The following PRKG1 variants were observed in gnomAD, a reference collection of about 807,000 sequenced individuals.
PRKG1 encodes protein kinase cGMP-dependent 1.
PRKG1 carries 35 observed loss-of-function variants against 88.1 expected under a neutral mutation model. That is an observed-to-expected ratio of 0.40 (90% CI 0.30 to 0.53). The LOEUF (loss-of-function observed/expected upper bound fraction) is 0.53. Ranked by LOEUF, PRKG1 falls within the 20% of genes least tolerant of loss-of-function variation. The probability of loss-of-function intolerance (pLI) is 0.59; values close to 1 mark genes in which losing one functional copy is unlikely to be tolerated. For synonymous variants in PRKG1, 303 were observed against 292.5 expected (o/e 1.04, Z -0.37); for missense variants, 540 against 839.8 (o/e 0.64, Z 4.41).
intron 4 of PRKG1, among the ~76,000 whole-genome samples, chr10:51,887,317 T>C (rs1328720134): frequency 1.9e-5 from 1 of 52,606 alleles, no homozygotes; most frequent in Non-Finnish European, 4.1e-5. Context: ...ATTTCATCTA[T>C]AAGTGACATT....
At chr10:51,462,921 A>G (rs1441687449) in intron 2 of PRKG1, among the ~76,000 whole-genome samples, 1 of 152,156 alleles carries the variant, frequency 6.6e-6, no homozygotes, top group Non-Finnish European at 1.5e-5. Context: ...TATATTTTTA[A>G]AAGTAAATAT....
chr10:51,579,490 A>C (rs1245978809), intron 3 of PRKG1, among the ~76,000 whole-genome samples: 1 of 152,196 alleles, frequency 6.6e-6, no homozygotes, highest in East Asian at 1.9e-4. Flanking sequence ...ATAAAGTTTC[A>C]GAAAGACTAG....
In PRKG1 at chr10:52,217,197, C is replaced by G. The variant is rs72787319; in HGVS notation, c.1077-34373C>G. Reference sequence around the variant, plus strand: ...CTTCCACCTCTTAGTTGTAAGCCTACTAAGGAGTAAGTTTATCCTACTTCC... The same window carrying G: ...CTTCCACCTCTTAGTTGTAAGCCTAGTAAGGAGTAAGTTTATCCTACTTCC... On this transcript the variant is annotated intron_variant, in intron 9 of 17. Transcript: ENST00000373980. Among the ~76,000 whole-genome samples the G allele has an allele frequency of 1.3e-5, 2 of 152,062 alleles. 1 individual carries two copies. The highest frequency in any genetic ancestry group is 2.9e-5 in the Non-Finnish European group (2 of 68,006).
intron 1 of PRKG1, among the ~76,000 whole-genome samples, chr10:51,098,908 G>T (rs1010256823): frequency 6.6e-6 from 1 of 152,128 alleles, no homozygotes; most frequent in East Asian, 1.9e-4. Context: ...AAAACTGGAA[G>T]CATTTAGGAG....
At position 51,682,479 on chromosome 10, in the gene PRKG1, C is replaced by T. The variant is rs190792941; in HGVS notation, c.593-122106C>T. 3.9e-3 allele frequency among the ~76,000 whole-genome samples: 595 copies of T among 152,216 alleles called. 7 individuals are homozygous for T. The highest frequency in any genetic ancestry group is 0.014 in the African/African-American group (582 of 41,516). On this transcript the variant is annotated intron_variant, in intron 3 of 17. Transcript: ENST00000373980. ...ATCTCGTTTCCTCCATCTTCTAACC[C>T]TCTCTTTCTCAATGCCTGGAGAAGC...
chr10:51,092,737 T>A (rs1302865850), intron 1 of PRKG1, among the ~76,000 whole-genome samples: 2 of 152,306 alleles, frequency 1.3e-5, no homozygotes, highest in African/African-American at 4.8e-5. Flanking sequence ...AAGAATAGTC[T>A]TACTTTGAGG....
chr10:52,168,523 T>G (rs1315795526), intron 9 of PRKG1, among the ~76,000 whole-genome samples: 1 of 152,046 alleles, frequency 6.6e-6, no homozygotes, highest in Non-Finnish European at 1.5e-5. Flanking sequence ...TAAGCCACAT[T>G]AAGAAATCAG....
chr10:51,473,868 G>A (rs1840120969), intron 3 of PRKG1, among the ~76,000 whole-genome samples: 1 of 151,654 alleles, frequency 6.6e-6, no homozygotes, highest in South Asian at 2.1e-4. Flanking sequence ...TCAGTTTTTG[G>A]TGTAATGAAT....
intron 3 of PRKG1, among the ~76,000 whole-genome samples, chr10:51,567,118 C>T (rs1837627059): frequency 1.3e-5 from 2 of 152,000 alleles, no homozygotes; most frequent in Non-Finnish European, 2.9e-5. Context: ...AAATACTATA[C>T]ATAACTTGAG....
intron 3 of PRKG1, among the ~76,000 whole-genome samples, chr10:51,625,128 A>G (rs1274766910): frequency 6.6e-6 from 1 of 152,220 alleles, no homozygotes; most frequent in African/African-American, 2.4e-5. Flanking sequence ...TGATCATTAT[A>G]CTATGTGTAC....
chr10:51,197,097 C>A (rs1243137640), intron 2 of PRKG1, among the ~76,000 whole-genome samples: 1 of 152,016 alleles, frequency 6.6e-6, no homozygotes, highest in South Asian at 2.1e-4. Context: ...GGTACAGTAC[C>A]TATTTAAGTG....
intron 2 of PRKG1, among the ~76,000 whole-genome samples, chr10:51,303,922 C>A (rs1267141296): frequency 6.6e-6 from 1 of 151,980 alleles, no homozygotes; most frequent in Non-Finnish European, 1.5e-5. Context: ...CAGGTTCAAG[C>A]AATTCTCCTT....
intron 2 of PRKG1, among the ~76,000 whole-genome samples, chr10:51,188,400 A>T (rs1365501711): frequency 6.6e-6 from 1 of 152,006 alleles, no homozygotes; most frequent in Non-Finnish European, 1.5e-5. Context: ...ATTAATAAAA[A>T]CTAAACAAAG....
chr10:51,124,511 C>G (rs563361333), intron 1 of PRKG1, among the ~76,000 whole-genome samples: 1 of 152,062 alleles, frequency 6.6e-6, no homozygotes, highest in East Asian at 1.9e-4. Context: ...GACTTGATAG[C>G]GTGGGAGGGA....
chr10:52,020,277 A>G (rs772221017), intron 5 of PRKG1, among the ~76,000 whole-genome samples: 61 of 152,286 alleles, frequency 4.0e-4, no homozygotes, highest in Middle Eastern at 3.4e-3. Context: ...TCTCCCTTCA[A>G]CACAGGAACT....
chr10:51,926,210 A>G (rs1375636153), intron 5 of PRKG1, among the ~76,000 whole-genome samples: 3 of 152,190 alleles, frequency 2.0e-5, no homozygotes, highest in Admixed American at 1.3e-4. Context: ...ATGAGATGAC[A>G]TTGGCATGAA....
At chr10:51,221,285 C>T (rs1453445538) in intron 2 of PRKG1, among the ~76,000 whole-genome samples, 1 of 151,974 alleles carries the variant, frequency 6.6e-6, no homozygotes, top group Admixed American at 6.6e-5. Flanking sequence ...TAGTCTCTCA[C>T]ATCACATTTC....
At chr10:51,755,944 G>A (rs967185082) in intron 3 of PRKG1, among the ~76,000 whole-genome samples, 1 of 152,162 alleles carries the variant, frequency 6.6e-6, no homozygotes, top group African/African-American at 2.4e-5. Context: ...ACAGCTGTCT[G>A]ATTATTAGAA....
chr10:51,768,016 A>T (rs188467518), intron 3 of PRKG1, among the ~76,000 whole-genome samples: 4,842 of 148,244 alleles, frequency 0.033, 161 homozygotes, highest in African/African-American at 0.094. Flanking sequence ...AATTAAAAAA[A>T]AAATAAATAA....
Sources: gnomAD v4.1 joint callset for allele counts (sites outside exome capture counted in the v4.1 genomes callset) on GRCh38, gnomAD v4.1.1 for gene constraint, MANE v1.5 for transcripts, NCBI Gene and HGNC (gene_info 2026-07-23, HGNC 2026-07-21) for gene names.